PLB1: variants seen among roughly 807,000 people sequenced by gnomAD.
The protein encoded by PLB1 is phospholipase B1, membrane-associated.
Under a neutral mutation model 227.4 loss-of-function variants are expected in PLB1, and 242 were observed. The ratio of observed to expected loss-of-function variants is 1.06; its 90% CI spans 0.96 to 1.18. PLB1 has a LOEUF of 1.18. Ranked by LOEUF, PLB1 falls within the 50% of genes most tolerant of loss-of-function variation. The pLI, the probability that PLB1 is intolerant of heterozygous loss-of-function variation, is 0.00. For synonymous variants in PLB1, 757 were observed against 682.2 expected, an observed-to-expected ratio of 1.11 and a Z score of -1.71; for missense variants, 1,858 against 1,816.3, an observed-to-expected ratio of 1.02 and a Z score of -0.42.
intron 56 of PLB1, among the ~76,000 whole-genome samples, chr2:28,634,814 C>T (rs761623448): frequency 4.6e-5 from 7 of 151,874 alleles, no homozygotes; most frequent in East Asian, 1.9e-4. Context: ...AGAAGGCTGA[C>T]GTGAGAAGAT....
rs1238958136 is a variant in PLB1, at chr2:28,579,825, T to C, written c.1566+118T>C. ...TTGGGACTCAGGCTCATGGTTTGTCTTGGATCCAGCCTGGGATGAACCCTG... is the reference window on the plus strand; with the variant it reads ...TTGGGACTCAGGCTCATGGTTTGTCCTGGATCCAGCCTGGGATGAACCCTG... On this transcript the variant is annotated intron_variant, in intron 23 of 57. Coordinates refer to ENST00000327757, the MANE Select transcript of PLB1 (RefSeq NM_153021.5). 3 of 846,900 alleles carry C rather than the reference T, an allele frequency of 3.5e-6. No individual in the cohort carries two copies. The Admixed American group carries it at 5.6e-5, about 16-fold the overall frequency. 52.5% of individuals were successfully genotyped at this position (846,900 alleles called of 1,614,324 possible).
At chr2:28,631,901 C>A (rs1055667342) in intron 54 of PLB1, 135 bp from the exon 55 acceptor site, 2 of 688,574 alleles carry the variant, frequency 2.9e-6, no homozygotes, top group Non-Finnish European at 2.6e-6. Flanking sequence ...TTGCATCCCA[C>A]TAGAGTAGCC....
In PLB1 at chr2:28,587,559, G is replaced by A. The variant is rs111663531; in HGVS notation, c.1815+1717G>A. Among the ~76,000 whole-genome samples the A allele has an allele frequency of 4.7e-3, 710 of 152,008 alleles. 9 individuals carry two copies. The highest frequency in any genetic ancestry group is 3.2e-3 in the Non-Finnish European group (220 of 67,986). On this transcript the variant is annotated intron_variant, in intron 26 of 57. Coordinates refer to ENST00000327757, the MANE Select transcript of PLB1 (RefSeq NM_153021.5). ...CAGGAGGCGGAGGTTGCAGTGAGCC[G>A]AGATTGCACCGTTGCGCTCCAGCCT...
In PLB1 at chr2:28,565,332, A is replaced by C. The variant is rs766909599; in HGVS notation, c.1259A>C (p.Gln420Pro). ...GGGAACGTCTTGGACGTCTTGACTC[A>C]GTACCGAGGCCTGTCCTGGAGGTGA... The part of the protein sequence containing the change: ...TPGNVLDVLT[Q>P]YRGLSWSVGG... Residue 420 changes from glutamine (Q) to proline (P), a missense_variant, in exon 19 of 58, where the codon CAG (glutamine) becomes CCG (proline). Physicochemically the swap from Gln to Pro is moderately conservative, Grantham distance 76 (BLOSUM62 -1). Transcript: ENST00000327757. 19 of 1,610,670 alleles carry C rather than the reference A, an allele frequency of 1.2e-5. No homozygotes were observed. The highest frequency in any genetic ancestry group is 1.6e-5 in the Non-Finnish European group (19 of 1,178,770).
chr2:28,545,064 G>A (rs987577951), intron 14 of PLB1, among the ~76,000 whole-genome samples: 3 of 152,132 alleles, frequency 2.0e-5, no homozygotes, highest in Non-Finnish European at 4.4e-5. Flanking sequence ...TACACCCCAC[G>A]TACGGTCTCT....
chr2:28,598,591 A>G, intron 34 of PLB1, 61 bp from the exon 35 acceptor site: 3 of 1,339,180 alleles, frequency 2.2e-6, no homozygotes, highest in East Asian at 4.6e-5. Flanking sequence ...CCACAGTACC[A>G]GAGAAGCTAT....
chr2:28,549,026 G>T (rs1673762541), intron 15 of PLB1, 95 bp downstream of exon 15: 6 of 1,077,198 alleles, frequency 5.6e-6, no homozygotes, highest in Non-Finnish European at 8.5e-6. Flanking sequence ...TCTTACCTGA[G>T]ATGTGAATCC....
rs1396766242 is a variant in PLB1 at position 28,643,681 on chromosome 2, CTGAT to C, written c.*623_*626del. On this transcript the variant is annotated 3_prime_UTR_variant, in exon 58 of 58. Transcript: ENST00000327757. The stretch of plus-strand genomic sequence containing the variant: ...CTAGGGCATCAGTAGGTAAATGTGT[CTGAT>C]TGTTTTAAAGAATAGAAAGGGTTCT... 1.3e-5 allele frequency: 2 copies of C among 152,200 alleles called. No homozygotes were observed. The highest frequency in any genetic ancestry group is 2.9e-5 in the Non-Finnish European group (2 of 68,050). The allele number at this position is 152,200 out of a possible 1,614,324, so 9.4% of individuals were successfully genotyped here.
rs1372821480 is a variant in PLB1 at position 28,614,011 on chromosome 2, T to C, written c.3130-20T>C. The C allele has an allele frequency of 6.3e-7, 1 of 1,596,324 alleles. No homozygotes were observed. Among genetic ancestry groups the C allele is most frequent in the Non-Finnish European group, 8.6e-7 (1 of 1,163,896 alleles). On this transcript the variant is annotated intron_variant, in intron 43 of 57. Coordinates refer to ENST00000327757, the MANE Select transcript of PLB1 (RefSeq NM_153021.5). The stretch of plus-strand genomic sequence containing the variant: ...TCAGTGCTGTCAGATAACTTCTCCA[T>C]GTGTTTTTTTTTCTCTTAGAATGAG...
intron 5 of PLB1, 22 bp from the exon 6 acceptor site, chr2:28,525,883 A>G (rs1454011928): frequency 1.2e-6 from 2 of 1,613,810 alleles, no homozygotes; most frequent in Admixed American, 1.7e-5. Context: ...CCTGACACTC[A>G]CATGCCTGCT....
chr2:28,592,344 C>T (rs1316036736), intron 31 of PLB1, among the ~76,000 whole-genome samples: 1 of 152,126 alleles, frequency 6.6e-6, no homozygotes, highest in Non-Finnish European at 1.5e-5. Flanking sequence ...AAAATGAGCT[C>T]CTACTCTGCC....
chr2:28,584,862 G>A (rs769784114), intron 25 of PLB1, among the ~76,000 whole-genome samples: 11 of 152,198 alleles, frequency 7.2e-5, no homozygotes, highest in Non-Finnish European at 1.6e-4. Context: ...TAAGAGCTCA[G>A]GTTCAGAGCC....
chr2:28,611,462 A>T (rs1392911285), intron 43 of PLB1, among the ~76,000 whole-genome samples: 2 of 151,752 alleles, frequency 1.3e-5, no homozygotes, highest in East Asian at 1.9e-4. Context: ...GTCTCTGAGG[A>T]CCCTACCTCT....
At chr2:28,536,728 T>C (rs190900229) in intron 9 of PLB1, among the ~76,000 whole-genome samples, 122 of 152,310 alleles carry the variant, frequency 8.0e-4, no homozygotes, top group African/African-American at 2.8e-3. Context: ...GACTTTGGGT[T>C]CTAGGAGTTT....
At position 28,552,966 on chromosome 2, in the gene PLB1, C is replaced by T. The variant is rs773612315; in HGVS notation, c.1122C>T (p.Asp374=). ...CGGAAATCAGATGTCCTGACAAAGA[C>T]CCCTCCGATACGGTTCCCACCTCAG... ...EGAEIRCPDK[D]PSDTVPTSVH... Residue 374 remains aspartate (D), a synonymous_variant, in exon 17 of 58, where the codon GAC becomes GAT. Coordinates refer to ENST00000327757, the MANE Select transcript of PLB1 (RefSeq NM_153021.5). The T allele has an allele frequency of 2.9e-5, 47 of 1,613,936 alleles. No individual in the cohort carries two copies. Among genetic ancestry groups the T allele is most frequent in the Non-Finnish European group, 3.6e-5 (43 of 1,179,838 alleles).
intron 17 of PLB1, among the ~76,000 whole-genome samples, chr2:28,555,088 TCA>T (rs1162478050): frequency 1.3e-5 from 2 of 151,134 alleles, no homozygotes; most frequent in Non-Finnish European, 2.9e-5. Flanking sequence ...AGAAAAATGG[TCA>T]CAGTTAACTG....
At chr2:28,518,229 C>A (rs1033985684) in intron 2 of PLB1, among the ~76,000 whole-genome samples, 2 of 152,286 alleles carry the variant, frequency 1.3e-5, no homozygotes, top group Admixed American at 6.5e-5. Flanking sequence ...TCCCTCTCTA[C>A]TCCACTGTTC....
At chr2:28,584,792 T>A (rs898736448) in intron 25 of PLB1, among the ~76,000 whole-genome samples, 8 of 152,192 alleles carry the variant, frequency 5.3e-5, no homozygotes, top group Admixed American at 2.6e-4. Flanking sequence ...AGCCCAGATG[T>A]GCCAGATAGC....
chr2:28,592,776 A>G, intron 32 of PLB1, 57 bp downstream of exon 32: 1 of 1,539,818 alleles, frequency 6.5e-7, no homozygotes, highest in Non-Finnish European at 8.9e-7. Flanking sequence ...TCCAGATCCC[A>G]GTCCTCTTAA....
Sources: allele counts gnomAD v4.1 joint callset (sites outside exome capture counted in the v4.1 genomes callset), GRCh38; gene constraint gnomAD v4.1.1; transcripts MANE v1.5; gene names NCBI Gene and HGNC (gene_info 2026-07-23, HGNC 2026-07-21).